Variants in TXNRD1 observed in about 807,000 individuals in gnomAD.
TXNRD1 encodes thioredoxin reductase 1.
A neutral mutation model predicts 80.3 loss-of-function variants in TXNRD1; 57 were observed. The ratio of observed to expected loss-of-function variants is 0.71; its 90% CI spans 0.57 to 0.89. The LOEUF (loss-of-function observed/expected upper bound fraction) is 0.89. TXNRD1 is among the 40% of genes least tolerant of loss of function. The pLI is 0.00. For synonymous variants in TXNRD1, 291 were observed against 285.2 expected (o/e 1.02, Z -0.20); for missense variants, 730 against 803.0 (o/e 0.91, Z 1.10).
chr12:104,221,454 A>T (rs2032356668), intron 1 of TXNRD1, among the ~76,000 whole-genome samples: 1 of 152,078 alleles, frequency 6.6e-6, no homozygotes. Context: ...AGTAGCTGGG[A>T]TTACAGGCAT....
Position 104,267,715 on chromosome 12 carries a change from T to C in TXNRD1, c.304+9636T>C, listed in dbSNP as rs1006010618. On this transcript the variant is annotated intron_variant, in intron 3 of 16. Transcript: ENST00000525566. ...TTTCTTTCTTTCTCTCTTTCTTTCT[T>C]TCTTTCTCTTTCTTTCTTTCCTTTC... 7.4e-3 allele frequency among the ~76,000 whole-genome samples: 367 copies of C among 49,536 alleles called. 1 individual carries two copies. The highest frequency in any genetic ancestry group is 0.013 in the Non-Finnish European group (266 of 20,308). 32.5% of individuals were successfully genotyped at this position (49,536 alleles called of 152,430 possible). A position where few individuals can be genotyped will look rare whatever the true frequency, so the allele number is the denominator to read the frequency against.
At chr12:104,310,652 A>G (rs1016085110) in intron 4 of TXNRD1, among the ~76,000 whole-genome samples, 2 of 152,210 alleles carry the variant, frequency 1.3e-5, no homozygotes, top group African/African-American at 4.8e-5. Flanking sequence ...TAAGTCTAAC[A>G]CCTAAATTAT....
At chr12:104,296,148 A>G (rs755396373) in intron 4 of TXNRD1, among the ~76,000 whole-genome samples, 1 of 152,154 alleles carries the variant, frequency 6.6e-6, no homozygotes, top group Non-Finnish European at 1.5e-5. Context: ...ATGTACTCAT[A>G]CTTCTGGCAC....
At chr12:104,245,876 G>A (rs563924956) in intron 1 of TXNRD1, among the ~76,000 whole-genome samples, 6 of 152,136 alleles carry the variant, frequency 3.9e-5, no homozygotes, top group South Asian at 2.1e-4. Flanking sequence ...TTGGGAGGCC[G>A]AGGCGGGCGT....
chr12:104,264,555 T>C (rs1451538590), intron 3 of TXNRD1, among the ~76,000 whole-genome samples: 1 of 152,206 alleles, frequency 6.6e-6, no homozygotes, highest in African/African-American at 2.4e-5. Context: ...TATAATAAAA[T>C]ACAAAAAATC....
intron 3 of TXNRD1, among the ~76,000 whole-genome samples, chr12:104,259,395 A>C (rs1295881422): frequency 6.6e-6 from 1 of 151,932 alleles, no homozygotes; most frequent in Non-Finnish European, 1.5e-5. Flanking sequence ...CCACAACAAC[A>C]ACAACAACAG....
chr12:104,319,364 A>T, intron 8 of TXNRD1, 106 bp from the exon 9 acceptor site: 1 of 744,546 alleles, frequency 1.3e-6, no homozygotes, highest in Non-Finnish European at 2.2e-6. Flanking sequence ...TGTCCTCATT[A>T]TGAGGATGAA....
At chr12:104,240,492 A>G (rs4964260) in intron 1 of TXNRD1, among the ~76,000 whole-genome samples, 138,372 of 152,228 alleles carry the variant, frequency 0.91, 63,136 homozygotes, top group African/African-American at 0.98. Context: ...AAAAAAGAAC[A>G]TATTTTCTGT....
intron 3 of TXNRD1, chr12:104,265,583 A>G (rs2033465316): frequency 3.1e-6 from 5 of 1,608,170 alleles, no homozygotes; most frequent in Non-Finnish European, 3.4e-6. Flanking sequence ...GGCACCCACA[A>G]CATGTACCGG....
chr12:104,218,950 T>G (rs186663884), intron 1 of TXNRD1, among the ~76,000 whole-genome samples: 46 of 152,146 alleles, frequency 3.0e-4, no homozygotes, highest in African/African-American at 8.7e-4. Flanking sequence ...TAATGATGAT[T>G]ATTATTTTTC....
chr12:104,226,930 C>A (rs2135679140), intron 1 of TXNRD1, among the ~76,000 whole-genome samples: 1 of 152,206 alleles, frequency 6.6e-6, no homozygotes, highest in African/African-American at 2.4e-5. Flanking sequence ...AACTCATTCA[C>A]TTTATTTTAT....
At chr12:104,236,489 G>A (rs2032740251) in intron 1 of TXNRD1, among the ~76,000 whole-genome samples, 1 of 152,054 alleles carries the variant, frequency 6.6e-6, no homozygotes, top group South Asian at 2.1e-4. Context: ...TTCTTAAAGA[G>A]CACTGAGCTT....
At chr12:104,227,594 A>G (rs1314591352) in intron 1 of TXNRD1, among the ~76,000 whole-genome samples, 1 of 152,146 alleles carries the variant, frequency 6.6e-6, no homozygotes, top group African/African-American at 2.4e-5. Context: ...GAATTTTAAC[A>G]TATGTATACA....
chr12:104,319,580 C>T lies in TXNRD1; in HGVS notation c.984C>T (p.Ile328=), dbSNP rs369698058. The T allele has an allele frequency of 3.1e-6, 5 of 1,593,022 alleles. No homozygotes were observed. The highest frequency in any genetic ancestry group is 4.3e-6 in the Non-Finnish European group (5 of 1,168,762). ...LGIPGDKEYC[I]SSDDLFSLPY... ...TCCCTGGTGACAAAGAATACTGCAT[C>T]AGCAGGTAAAGGAAAAAAGCAGGGT... Residue 328 remains isoleucine (I), a synonymous_variant, in exon 9 of 17, where the codon ATC becomes ATT. Transcript: ENST00000525566.
intron 3 of TXNRD1, among the ~76,000 whole-genome samples, chr12:104,286,357 A>T (rs906269820): frequency 6.6e-5 from 10 of 151,896 alleles, no homozygotes; most frequent in African/African-American, 2.4e-4. Context: ...AGTTTTTCTT[A>T]AAAAAAACAA....
rs527265722 is a variant in TXNRD1, at chr12:104,349,105, C to G, written c.*684C>G. The G allele has an allele frequency of 3.9e-5, 6 of 152,320 alleles. No individual in the cohort carries two copies. The highest frequency in any genetic ancestry group is 1.4e-4 in the African/African-American group (6 of 41,564). The allele number at this position is 152,320 out of a possible 1,614,324, so 9.4% of individuals were successfully genotyped here. On this transcript the variant is annotated 3_prime_UTR_variant, in exon 17 of 17. Transcript: ENST00000525566. The stretch of plus-strand genomic sequence containing the variant: ...TGATGGATGATTATTATTTTAAGGT[C>G]TGTTTAGGAAGGGAAATGGCTACTT...
intron 1 of TXNRD1, among the ~76,000 whole-genome samples, chr12:104,237,438 C>T (rs1410152482): frequency 6.6e-6 from 1 of 152,136 alleles, no homozygotes; most frequent in East Asian, 1.9e-4. Flanking sequence ...ACTGTCTTCT[C>T]CCATAGTATC....
intron 1 of TXNRD1, among the ~76,000 whole-genome samples, chr12:104,248,775 T>C (rs553878757): frequency 6.6e-6 from 1 of 152,340 alleles, no homozygotes; most frequent in African/African-American, 2.4e-5. Context: ...TAAGTCCCAT[T>C]GCTCTTCTGG....
chr12:104,267,239 T>TTCTC (rs371073721), intron 3 of TXNRD1, among the ~76,000 whole-genome samples: 19 of 20,746 alleles, frequency 9.2e-4, no homozygotes, highest in African/African-American at 3.2e-3. Context: ...TTATTTTCTT[T>TTCTC]TCTCTTTCTT....
Sources: allele counts gnomAD v4.1 joint callset (sites outside exome capture counted in the v4.1 genomes callset), GRCh38; gene constraint gnomAD v4.1.1; transcripts MANE v1.5; gene names NCBI Gene and HGNC (gene_info 2026-07-23, HGNC 2026-07-21).